TMEM117: variants seen among roughly 807,000 people sequenced by gnomAD.
TMEM117 encodes transmembrane protein 117.
Under a neutral mutation model 52.4 loss-of-function variants are expected in TMEM117, and 27 were observed. The ratio of observed to expected loss-of-function variants is 0.51; its 90% CI spans 0.38 to 0.71. TMEM117 has a LOEUF of 0.71. Among genes scored for constraint, TMEM117 ranks in the 30% least tolerant of loss-of-function variants. TMEM117 has a pLI of 0.00. For synonymous variants in TMEM117, 215 were observed against 206.3 expected, an observed-to-expected ratio of 1.04 and a Z score of -0.36; for missense variants, 556 against 630.5, an observed-to-expected ratio of 0.88 and a Z score of 1.26.
intron 4 of TMEM117, among the ~76,000 whole-genome samples, chr12:44,190,762 C>G (rs1366030243): frequency 6.6e-6 from 1 of 151,860 alleles, no homozygotes; most frequent in Non-Finnish European, 1.5e-5. Context: ...GTATTTATCC[C>G]AACAAGTGTG....
intron 5 of TMEM117, among the ~76,000 whole-genome samples, chr12:44,294,388 A>G (rs900418070): frequency 2.0e-5 from 3 of 152,210 alleles, no homozygotes; most frequent in Non-Finnish European, 4.4e-5. Flanking sequence ...TGTCTTCTAC[A>G]AACAAATTTA....
intron 3 of TMEM117, among the ~76,000 whole-genome samples, chr12:44,122,529 C>T (rs1047317160): frequency 5.9e-5 from 9 of 152,126 alleles, no homozygotes; most frequent in Admixed American, 5.2e-4. Flanking sequence ...GCCCAGCATC[C>T]ATTAGCTATT....
chr12:43,921,787 A>G (rs7311847), intron 2 of TMEM117, among the ~76,000 whole-genome samples: 100,880 of 151,994 alleles, frequency 0.66, 38,393 homozygotes, highest in Non-Finnish European at 0.82. Context: ...AGTTAAGGTT[A>G]GGTTCTGCAT....
intron 6 of TMEM117, among the ~76,000 whole-genome samples, chr12:44,333,613 A>T (rs577286378): frequency 6.6e-6 from 1 of 152,062 alleles, no homozygotes; most frequent in East Asian, 1.9e-4. Flanking sequence ...GAAGAAGGAC[A>T]TGCTTGCTTC....
At chr12:43,859,363 A>G (rs1451904075) in intron 2 of TMEM117, among the ~76,000 whole-genome samples, 5 of 152,190 alleles carry the variant, frequency 3.3e-5, no homozygotes, top group Admixed American at 3.3e-4. Flanking sequence ...GGCAGCAGGA[A>G]AGAGAAACTT....
intron 3 of TMEM117, among the ~76,000 whole-genome samples, chr12:43,997,427 T>C (rs1946049138): frequency 6.6e-6 from 1 of 152,170 alleles, no homozygotes; most frequent in Non-Finnish European, 1.5e-5. Flanking sequence ...TACTTGAATA[T>C]CTCCACTTCT....
At chr12:43,824,921 G>A in the TMEM117 span, among the ~76,000 whole-genome samples, 4 of 152,152 alleles carry the variant, frequency 2.6e-5, no homozygotes, top group African/African-American at 7.2e-5. Context: ...GCGACAGAGC[G>A]AGACTCCGTC....
chr12:44,035,978 ATCTCATTCTTTCCC>A, intron 3 of TMEM117, among the ~76,000 whole-genome samples: 1 of 152,314 alleles, frequency 6.6e-6, no homozygotes, highest in South Asian at 2.1e-4. Flanking sequence ...AGAAGGACAT[ATCTCATTCTTTCCC>A]ACTAAGTGTT....
chr12:43,889,359 A>C (rs1441765984), intron 2 of TMEM117, among the ~76,000 whole-genome samples: 1 of 152,210 alleles, frequency 6.6e-6, no homozygotes, highest in East Asian at 1.9e-4. Flanking sequence ...CTGGGATTAT[A>C]GGTGTGAGCC....
intron 3 of TMEM117, among the ~76,000 whole-genome samples, chr12:43,956,599 A>T (rs1945312632): frequency 6.6e-6 from 1 of 152,132 alleles, no homozygotes; most frequent in Non-Finnish European, 1.5e-5. Context: ...TCAAAACCAC[A>T]ATGAGATACC....
chr12:44,190,481 A>G (rs1949336867), intron 4 of TMEM117, among the ~76,000 whole-genome samples: 1 of 152,092 alleles, frequency 6.6e-6, no homozygotes. Flanking sequence ...GGTGATTCTG[A>G]TGCCTGTTGC....
At chr12:44,093,681 C>T (rs1243414443) in intron 3 of TMEM117, among the ~76,000 whole-genome samples, 5 of 151,834 alleles carry the variant, frequency 3.3e-5, no homozygotes, top group African/African-American at 7.3e-5. Context: ...AATAGCATTA[C>T]ATAGATCTTT....
In TMEM117 at chr12:43,845,362, G is replaced by A. The variant is rs145026158; in HGVS notation, c.277+434G>A. Among the ~76,000 whole-genome samples, 517 of 150,770 alleles carry A rather than the reference G, an allele frequency of 3.4e-3. 3 individuals are homozygous for A. Among genetic ancestry groups the A allele is most frequent in the Admixed American group, 8.4e-3 (127 of 15,074 alleles). ...TGTAATCCCAGCTACTTGAGAGGCTGAGGTGGGAGAATCGCTTGAACCTGG... is the reference window on the plus strand; with the variant it reads ...TGTAATCCCAGCTACTTGAGAGGCTAAGGTGGGAGAATCGCTTGAACCTGG... On this transcript the variant is annotated intron_variant, in intron 2 of 7. Coordinates refer to ENST00000266534, the MANE Select transcript of TMEM117 (RefSeq NM_032256.3).
At chr12:44,370,737 C>T (rs1200335665) in intron 6 of TMEM117, among the ~76,000 whole-genome samples, 2 of 151,942 alleles carry the variant, frequency 1.3e-5, no homozygotes, top group African/African-American at 2.4e-5. Flanking sequence ...AGGGTGGTCT[C>T]GAACTCCTGA....
At chr12:43,796,839 AGAG>A in the TMEM117 span, 2 of 892,702 alleles carry the variant, frequency 2.2e-6, no homozygotes, top group Non-Finnish European at 3.4e-6. Context: ...CCAGGCACTT[AGAG>A]GAGATCCTAA....
At chr12:44,357,947 T>A (rs1440815387) in intron 6 of TMEM117, among the ~76,000 whole-genome samples, 2 of 152,044 alleles carry the variant, frequency 1.3e-5, no homozygotes, top group Non-Finnish European at 2.9e-5. Flanking sequence ...GTGGATAGGA[T>A]AAAGAAAATG....
intron 2 of TMEM117, among the ~76,000 whole-genome samples, chr12:43,908,150 G>T (rs551405916): frequency 8.0e-5 from 5 of 62,418 alleles, no homozygotes; most frequent in Admixed American, 5.9e-4. Context: ...CGGATCTCTC[G>T]GCAGAAACTC....
intron 2 of TMEM117, among the ~76,000 whole-genome samples, chr12:43,929,654 C>A (rs539019119): frequency 6.6e-6 from 1 of 152,014 alleles, no homozygotes; most frequent in Non-Finnish European, 1.5e-5. Context: ...GCTTTTGTAA[C>A]CTGCTTCTCT....
intron 3 of TMEM117, among the ~76,000 whole-genome samples, chr12:44,075,654 C>T (rs1947370661): frequency 6.6e-6 from 1 of 151,948 alleles, no homozygotes; most frequent in Non-Finnish European, 1.5e-5. Flanking sequence ...TGAGTTTAAT[C>T]TAAGCTAATT....
Sources: allele counts gnomAD v4.1 joint callset (sites outside exome capture counted in the v4.1 genomes callset), GRCh38; gene constraint gnomAD v4.1.1; transcripts MANE v1.5; gene names NCBI Gene and HGNC (gene_info 2026-07-23, HGNC 2026-07-21).